The following PRSS23 variants were observed in gnomAD, a reference collection of about 807,000 sequenced individuals.
PRSS23 encodes protease, serine 23.
PRSS23 carries 25 observed loss-of-function variants against 34.7 expected under a neutral mutation model. That is an observed-to-expected ratio of 0.72 (90% CI 0.53 to 1.01). The LOEUF (loss-of-function observed/expected upper bound fraction) is 1.01. PRSS23 is among the 50% of genes least tolerant of loss of function. PRSS23 has a pLI of 0.00. For missense variants in PRSS23, 445 were observed against 475.6 expected (o/e 0.94, Z 0.60); for synonymous variants, 176 against 186.6 (o/e 0.94, Z 0.46).
intron 2 of PRSS23, among the ~76,000 whole-genome samples, chr11:86,941,338 C>G (rs1949206130): frequency 6.6e-6 from 1 of 152,294 alleles, no homozygotes; most frequent in Middle Eastern, 3.4e-3. Context: ...AGCATTGATC[C>G]TTTGTGGGAA....
intron 2 of PRSS23, among the ~76,000 whole-genome samples, chr11:86,867,751 C>T (rs1948659347): frequency 1.3e-5 from 2 of 151,762 alleles, no homozygotes; most frequent in Non-Finnish European, 2.9e-5. Context: ...CTGGCAAGTG[C>T]TTATAGTCCC....
rs779471979 is a variant in PRSS23 at position 86,951,598 on chromosome 11, G to A, written c.*313G>A. On this transcript the variant is annotated 3_prime_UTR_variant, in exon 3 of 3. Transcript: ENST00000533902. Reference sequence around the variant, plus strand: ...GGGGAGCCACCACGAACCCGGTGAGGGCATCGAGATTTTGGTTTCCAACAT... The same window carrying A: ...GGGGAGCCACCACGAACCCGGTGAGAGCATCGAGATTTTGGTTTCCAACAT... 130 of 1,613,944 alleles carry A rather than the reference G, an allele frequency of 8.1e-5. No individual in the cohort carries two copies. Among genetic ancestry groups the A allele is most frequent in the Non-Finnish European group, 1.1e-4 (124 of 1,179,988 alleles).
rs1297881350 is a variant in PRSS23, at chr11:86,877,891, A to G, written c.206+54298A>G. On this transcript the variant is annotated intron_variant, in intron 2 of 2. Coordinates refer to the PRSS23 transcript ENST00000533902. ...AAAAGAGGTGGGGTGGGGGGTGTGC[A>G]GGTAGGATTTTGATAATTATTGCAT... Among the ~76,000 whole-genome samples the G allele has an allele frequency of 3.3e-5, 5 of 149,554 alleles. No individual in the cohort carries two copies. The South Asian group carries it at 1.0e-3, about 31-fold the overall frequency.
At chr11:86,794,558 C>G (rs1939116) in intron 1 of PRSS23, among the ~76,000 whole-genome samples, 19,687 of 152,106 alleles carry the variant, frequency 0.13, 1,665 homozygotes, top group East Asian at 0.4. Context: ...CAATTTAACC[C>G]TACAATAATT....
chr11:86,831,763 T>C (rs1224444047), intron 2 of PRSS23, among the ~76,000 whole-genome samples: 9 of 151,976 alleles, frequency 5.9e-5, no homozygotes, highest in Non-Finnish European at 1.0e-4. Flanking sequence ...GTACACCTTG[T>C]GATATTATTT....
At chr11:86,941,329 G>T (rs527925696) in intron 2 of PRSS23, among the ~76,000 whole-genome samples, 1 of 152,340 alleles carries the variant, frequency 6.6e-6, no homozygotes, top group African/African-American at 2.4e-5. Flanking sequence ...AGGACTAGTA[G>T]CATTGATCCT....
chr11:86,822,620 TAA>T (rs113888066), intron 1 of PRSS23, among the ~76,000 whole-genome samples: 11 of 102,040 alleles, frequency 1.1e-4, no homozygotes, highest in Admixed American at 2.1e-4. Context: ...TGAACCTGAC[TAA>T]AAAAAAAAAA....
At chr11:86,870,725 C>T (rs574451080) in intron 2 of PRSS23, among the ~76,000 whole-genome samples, 5 of 152,100 alleles carry the variant, frequency 3.3e-5, no homozygotes, top group Admixed American at 3.3e-4. Context: ...TTTGTAGTTT[C>T]TTTTGATTTG....
intron 2 of PRSS23, among the ~76,000 whole-genome samples, chr11:86,875,119 A>ACTT (rs1948713963): frequency 6.6e-6 from 1 of 152,208 alleles, no homozygotes; most frequent in African/African-American, 2.4e-5. Flanking sequence ...GCTGTATCCT[A>ACTT]CTGGTCAAAG....
chr11:86,863,952 G>C (rs988532349), intron 2 of PRSS23, among the ~76,000 whole-genome samples: 1 of 152,200 alleles, frequency 6.6e-6, no homozygotes, highest in Non-Finnish European at 1.5e-5. Context: ...TGAAATCTGA[G>C]ATCACTTGGG....
At chr11:86,950,956 C>G in intron 2 of PRSS23, 8 of 674,442 alleles carry the variant, frequency 1.2e-5, no homozygotes, top group South Asian at 1.1e-4. Context: ...ATTCCAAAGT[C>G]TGCAGCAAAA....
chr11:86,815,742 G>A (rs1948211141), downstream of PRSS23, among the ~76,000 whole-genome samples: 1 of 152,322 alleles, frequency 6.6e-6, no homozygotes, highest in African/African-American at 2.4e-5. Flanking sequence ...GTGAGTGTCT[G>A]TCTGTCTGTC....
At chr11:86,871,892 T>C (rs981919546) in intron 2 of PRSS23, among the ~76,000 whole-genome samples, 3 of 152,264 alleles carry the variant, frequency 2.0e-5, no homozygotes, top group Non-Finnish European at 2.9e-5. Flanking sequence ...CAAAGCTTGC[T>C]ATATTTCTCT....
downstream of PRSS23, among the ~76,000 whole-genome samples, chr11:86,815,840 G>A (rs1350412462): frequency 6.6e-6 from 1 of 152,042 alleles, no homozygotes; most frequent in African/African-American, 2.4e-5. Flanking sequence ...CTCCTCTCCA[G>A]CTCCCCTGCC....
chr11:86,916,141 G>A (rs1231634464), intron 2 of PRSS23, among the ~76,000 whole-genome samples: 1 of 152,052 alleles, frequency 6.6e-6, no homozygotes, highest in Non-Finnish European at 1.5e-5. Context: ...AATAAATAAT[G>A]CATACAAATA....
rs531838289 is a variant in PRSS23, at chr11:86,906,115, G to A, written c.207-45101G>A. Among the ~76,000 whole-genome samples the A allele has an allele frequency of 5.9e-5, 9 of 152,286 alleles. No homozygotes were observed. The East Asian group carries it at 1.2e-3, about 20-fold the overall frequency. The stretch of plus-strand genomic sequence containing the variant: ...AAGGCACCACAGGGATTTCTCAGGC[G>A]CACTATTGCCTTGCAGGAAGGGCCA... On this transcript the variant is annotated intron_variant, in intron 2 of 2. Coordinates refer to the PRSS23 transcript ENST00000533902.
At chr11:86,846,828 G>A (rs1948489758) in intron 2 of PRSS23, among the ~76,000 whole-genome samples, 1 of 152,174 alleles carries the variant, frequency 6.6e-6, no homozygotes, top group Admixed American at 6.5e-5. Context: ...ACCATTTGAT[G>A]GCTATTTTGA....
At chr11:86,879,852 C>A in intron 2 of PRSS23, among the ~76,000 whole-genome samples, 1 of 143,106 alleles carries the variant, frequency 7.0e-6, no homozygotes, top group Non-Finnish European at 1.5e-5. Flanking sequence ...CGGCCAGCCG[C>A]CCCGTCCGGG....
At chr11:86,858,060 T>C (rs1311037806) in intron 2 of PRSS23, 1 of 219,086 alleles carries the variant, frequency 4.6e-6, no homozygotes, top group Non-Finnish European at 9.1e-6. Context: ...CCCCCTGTGA[T>C]ACTGTTCCTA....
Sources: allele counts gnomAD v4.1 joint callset (sites outside exome capture counted in the v4.1 genomes callset), GRCh38; gene constraint gnomAD v4.1.1; transcripts MANE v1.5; gene names NCBI Gene and HGNC (gene_info 2026-07-23, HGNC 2026-07-21).